ERC1: variants seen among roughly 807,000 people sequenced by gnomAD.
ERC1 encodes the protein RAB6 interacting protein 2.
ERC1 carries 56 observed loss-of-function variants against 132.0 expected under a neutral mutation model. The ratio of observed to expected loss-of-function variants is 0.42; its 90% CI spans 0.34 to 0.53. ERC1 has a LOEUF of 0.53. ERC1 is among the 20% of genes least tolerant of loss of function. ERC1 has a pLI of 0.03. For missense variants in ERC1, 1,202 were observed against 1,349.9 expected, an observed-to-expected ratio of 0.89 and a Z score of 1.72; for synonymous variants, 478 against 476.1, an observed-to-expected ratio of 1.00 and a Z score of -0.05.
intron 15 of ERC1, among the ~76,000 whole-genome samples, chr12:1,363,282 T>A (rs1201356443): frequency 6.6e-6 from 1 of 152,200 alleles, no homozygotes; most frequent in Non-Finnish European, 1.5e-5. Context: ...GAGGTCTCAA[T>A]AGCACAGTAA....
At chr12:1,331,395 A>C (rs752888192) in intron 15 of ERC1, among the ~76,000 whole-genome samples, 10 of 152,212 alleles carry the variant, frequency 6.6e-5, no homozygotes, top group Non-Finnish European at 1.0e-4. Context: ...TTATTTGTCT[A>C]GCAGTTATCC....
intron 2 of ERC1, among the ~76,000 whole-genome samples, chr12:1,080,731 A>G (rs1318839535): frequency 6.6e-6 from 1 of 152,092 alleles, no homozygotes; most frequent in East Asian, 1.9e-4. Context: ...CTTTTGCCTC[A>G]TACCGTGATT....
At chr12:1,000,600 TAAAAATACA>T (rs1403951298) in intron 1 of ERC1, among the ~76,000 whole-genome samples, 1 of 150,374 alleles carries the variant, frequency 6.7e-6, no homozygotes, top group Non-Finnish European at 1.5e-5. Context: ...CCGTCTCTAC[TAAAAATACA>T]AAAATTAGCT....
intron 1 of ERC1, among the ~76,000 whole-genome samples, chr12:1,014,589 C>T (rs1036909567): frequency 4.6e-5 from 7 of 152,032 alleles, no homozygotes; most frequent in East Asian, 1.9e-4. Flanking sequence ...AGGCTTTTAC[C>T]GTACAAATCA....
chr12:1,121,671 ATC>A lies in ERC1; in HGVS notation c.1569+5642_1569+5643del, dbSNP rs1566011872. ...TATCTCTATCTCTATCTCTATCTCT[ATC>A]TCTATCTATCTCTATCTCTATCTCT... On this transcript the variant is annotated intron_variant, in intron 7 of 18. Transcript: ENST00000360905. Among the ~76,000 whole-genome samples, 9 of 8,408 alleles carry A rather than the reference ATC, an allele frequency of 1.1e-3. 1 individual carries two copies. The highest frequency in any genetic ancestry group is 1.9e-3 in the African/African-American group (9 of 4,828). The allele number at this position is 8,408 out of a possible 152,430, so 5.5% of individuals were successfully genotyped here.
At position 1,235,085 on chromosome 12, in the gene ERC1, T is replaced by C. The variant is rs183675306; in HGVS notation, c.2352-1684T>C. On this transcript the variant is annotated intron_variant, in intron 12 of 18. Coordinates refer to ENST00000360905, the MANE Select transcript of ERC1 (RefSeq NM_178040.4). ...ATACATTTGAAACAATTAAAAGTTT[T>C]AGGCTGGACATGGTGACTCATGCCT... Among the ~76,000 whole-genome samples, 249 of 152,348 alleles carry C rather than the reference T, an allele frequency of 1.6e-3. 1 individual carries two copies. The highest frequency in any genetic ancestry group is 6.8e-3 in the Middle Eastern group (2 of 294).
chr12:1,127,719 C>G (rs1948352946), intron 7 of ERC1, among the ~76,000 whole-genome samples: 1 of 152,038 alleles, frequency 6.6e-6, no homozygotes, highest in Non-Finnish European at 1.5e-5. Flanking sequence ...CTCTGTGTTT[C>G]TAAGATACAT....
intron 16 of ERC1, among the ~76,000 whole-genome samples, chr12:1,400,908 ATTTTTGTATTTTTTTTTTTTTTTTTT>A (rs1336980224): frequency 9.2e-5 from 4 of 43,400 alleles, no homozygotes; most frequent in African/African-American, 1.3e-4. Context: ...TGTTTTGGCT[ATTTTTGTATTTTTTTTTTTTTTTTTT>A]TTTTTTTTTT....
At chr12:1,123,400 A>G (rs1947798340) in intron 7 of ERC1, among the ~76,000 whole-genome samples, 2 of 152,212 alleles carry the variant, frequency 1.3e-5, no homozygotes, top group African/African-American at 4.8e-5. Context: ...ATAAATACAA[A>G]TAAGTACTTA....
intron 1 of ERC1, among the ~76,000 whole-genome samples, chr12:1,011,709 G>A (rs982404836): frequency 3.9e-5 from 6 of 152,078 alleles, no homozygotes; most frequent in Admixed American, 6.6e-5. Flanking sequence ...CAAGTTGGGC[G>A]GATCACCTGA....
At position 1,272,141 on chromosome 12, in the gene ERC1, C is replaced by T. The variant is rs1346662355; in HGVS notation, c.2619+8976C>T. ...GGCAAGTTACTTGTGGGTCAGTTCC[C>T]CGAGCTGTAAAAGAAATAGTTACTA... On this transcript the variant is annotated intron_variant, in intron 14 of 18. Coordinates refer to ENST00000360905, the MANE Select transcript of ERC1 (RefSeq NM_178040.4). Among the ~76,000 whole-genome samples the T allele has an allele frequency of 2.6e-5, 4 of 152,156 alleles. No homozygotes were observed. In the East Asian group the frequency reaches 7.7e-4, roughly 29 times the overall value.
intron 18 of ERC1, among the ~76,000 whole-genome samples, chr12:1,486,960 A>G (rs1043835336): frequency 1.3e-5 from 2 of 152,174 alleles, no homozygotes; most frequent in African/African-American, 4.8e-5. Context: ...CCTGGGAAGG[A>G]TCCAGCTGGA....
intron 1 of ERC1, among the ~76,000 whole-genome samples, chr12:1,004,854 ATTT>A (rs754999759): frequency 8.2e-6 from 1 of 121,578 alleles, no homozygotes; most frequent in South Asian, 2.6e-4. Context: ...GTGTGTATAA[ATTT>A]TTTTTTTCTC....
chr12:1,083,695 T>C (rs1185730787), intron 3 of ERC1, 115 bp downstream of exon 3: 17 of 825,056 alleles, frequency 2.1e-5, no homozygotes, highest in Middle Eastern at 2.9e-4. Context: ...GGAAGAGAAT[T>C]TCATCCTTTG....
intron 18 of ERC1, among the ~76,000 whole-genome samples, chr12:1,477,737 T>C (rs1385084256): frequency 1.3e-5 from 2 of 152,200 alleles, no homozygotes; most frequent in African/African-American, 4.8e-5. Context: ...ATGTTACCAG[T>C]GCCGAAGCCC....
At chr12:995,664 A>G (rs1162491063) in intron 1 of ERC1, among the ~76,000 whole-genome samples, 2 of 152,180 alleles carry the variant, frequency 1.3e-5, no homozygotes, top group African/African-American at 4.8e-5. Context: ...AAGAGATCCA[A>G]ACATCTGAGC....
At chr12:1,204,828 G>A (rs969508761) in intron 12 of ERC1, among the ~76,000 whole-genome samples, 1 of 152,176 alleles carries the variant, frequency 6.6e-6, no homozygotes, top group African/African-American at 2.4e-5. Flanking sequence ...TGAACATTCA[G>A]TGGAGACATT....
chr12:1,326,437 G>A (rs749859835), intron 15 of ERC1, among the ~76,000 whole-genome samples: 72 of 152,138 alleles, frequency 4.7e-4, no homozygotes, highest in Non-Finnish European at 8.4e-4. Context: ...CTTTGAAGCA[G>A]AAAAGCAATT....
chr12:1,138,208 AT>A (rs1439555347), intron 7 of ERC1, among the ~76,000 whole-genome samples: 10 of 114,358 alleles, frequency 8.7e-5, no homozygotes, highest in African/African-American at 4.7e-4. Flanking sequence ...TATATGATAT[AT>A]ATTATATAAT....
Sources: allele counts gnomAD v4.1 joint callset (sites outside exome capture counted in the v4.1 genomes callset), GRCh38; gene constraint gnomAD v4.1.1; transcripts MANE v1.5; gene names NCBI Gene and HGNC (gene_info 2026-07-23, HGNC 2026-07-21).